The following ZFAT variants were observed in gnomAD, a reference collection of about 807,000 sequenced individuals.
ZFAT encodes zinc finger protein ZFAT.
ZFAT carries 64 observed loss-of-function variants against 117.7 expected under a neutral mutation model. That is an observed-to-expected ratio of 0.54 (90% CI 0.44 to 0.67). The LOEUF (loss-of-function observed/expected upper bound fraction) is 0.67. Ranked by LOEUF, ZFAT falls within the 30% of genes least tolerant of loss-of-function variation. ZFAT has a pLI of 0.00. For missense variants in ZFAT, 1,433 were observed against 1,584.5 expected, an observed-to-expected ratio of 0.90 and a Z score of 1.62; for synonymous variants, 679 against 615.0, an observed-to-expected ratio of 1.10 and a Z score of -1.54.
At chr8:134,777,360 A>T in the ZFAT span, among the ~76,000 whole-genome samples, 1 of 152,178 alleles carries the variant, frequency 6.6e-6, no homozygotes, top group Admixed American at 6.5e-5. Flanking sequence ...TTCCTGTAAC[A>T]TACTTGACTC....
At chr8:134,542,925 G>C (rs1822382443) in intron 11 of ZFAT, among the ~76,000 whole-genome samples, 3 of 152,076 alleles carry the variant, frequency 2.0e-5, no homozygotes, top group Non-Finnish European at 4.4e-5. Flanking sequence ...GTGATAGTCA[G>C]CCAGGCACAT....
At chr8:134,749,250 G>C in the ZFAT span, among the ~76,000 whole-genome samples, 1 of 152,108 alleles carries the variant, frequency 6.6e-6, no homozygotes, top group Non-Finnish European at 1.5e-5. Flanking sequence ...ACCTTCAAAA[G>C]CTTAGTATTT....
At chr8:134,785,388 T>C in the ZFAT span, 1 of 152,174 alleles carries the variant, frequency 6.6e-6, no homozygotes, top group Admixed American at 6.6e-5. Context: ...GATGTGTGAC[T>C]CTTTTTCTTC....
At chr8:134,635,559 C>T (rs1176046841) in intron 3 of ZFAT, among the ~76,000 whole-genome samples, 1 of 152,034 alleles carries the variant, frequency 6.6e-6, no homozygotes, top group African/African-American at 2.4e-5. Flanking sequence ...AACGTCGTTA[C>T]CTAGCTGTGC....
chr8:134,489,864 C>A (rs1360360413), intron 15 of ZFAT, among the ~76,000 whole-genome samples: 1 of 152,104 alleles, frequency 6.6e-6, no homozygotes, highest in Non-Finnish European at 1.5e-5. Context: ...ACTTCCTGCC[C>A]ACCCAACCTG....
chr8:134,532,663 G>A (rs1046544837), intron 12 of ZFAT, among the ~76,000 whole-genome samples, 171 bp downstream of exon 12: 4 of 152,242 alleles, frequency 2.6e-5, no homozygotes, highest in African/African-American at 9.6e-5. Context: ...AAGTAATGCT[G>A]ACAAACAATG....
the ZFAT span, among the ~76,000 whole-genome samples, chr8:134,740,209 C>T: frequency 6.6e-6 from 1 of 152,224 alleles, no homozygotes; most frequent in Non-Finnish European, 1.5e-5. Context: ...GCACCCATTC[C>T]CTTCTAGGAA....
chr8:134,533,783 G>C (rs1821609230), intron 11 of ZFAT, among the ~76,000 whole-genome samples: 1 of 152,180 alleles, frequency 6.6e-6, no homozygotes, highest in African/African-American at 2.4e-5. Flanking sequence ...ATAAATAGTG[G>C]GGCTGGGGAA....
chr8:134,783,283 C>A, the ZFAT span, among the ~76,000 whole-genome samples: 1 of 152,114 alleles, frequency 6.6e-6, no homozygotes, highest in Non-Finnish European at 1.5e-5. Context: ...TCGGTCCATG[C>A]CCGTTAGGAA....
chr8:134,781,648 T>C, the ZFAT span, among the ~76,000 whole-genome samples: 1 of 152,144 alleles, frequency 6.6e-6, no homozygotes, highest in Non-Finnish European at 1.5e-5. Context: ...TACTTATATG[T>C]GGATTTTGGA....
At chr8:134,623,939 C>G (rs1194444721) in intron 3 of ZFAT, among the ~76,000 whole-genome samples, 2 of 152,124 alleles carry the variant, frequency 1.3e-5, no homozygotes, top group East Asian at 3.9e-4. Flanking sequence ...GTGGAGCACC[C>G]ACCAGCTGTT....
upstream of ZFAT, among the ~76,000 whole-genome samples, chr8:134,713,323 C>T (rs1327725581): frequency 6.6e-6 from 1 of 152,264 alleles, no homozygotes; most frequent in African/African-American, 2.4e-5. Context: ...TGTGGGGCCG[C>T]CGAGCTGGGC....
At chr8:134,586,800 A>G (rs1826098749) in intron 9 of ZFAT, among the ~76,000 whole-genome samples, 1 of 152,238 alleles carries the variant, frequency 6.6e-6, no homozygotes, top group Non-Finnish European at 1.5e-5. Context: ...TTCAGAAGAG[A>G]AGAGCAAGGG....
At chr8:134,801,363 A>T in the ZFAT span, among the ~76,000 whole-genome samples, 1 of 152,208 alleles carries the variant, frequency 6.6e-6, no homozygotes, top group Non-Finnish European at 1.5e-5. Context: ...ACTAACTATT[A>T]TCAGTGGTCC....
chr8:134,486,602 G>C (rs1272375905), intron 15 of ZFAT, among the ~76,000 whole-genome samples: 8 of 152,154 alleles, frequency 5.3e-5, no homozygotes. Flanking sequence ...TCCTCTTGTT[G>C]GCACTCCTGT....
intron 2 of ZFAT, among the ~76,000 whole-genome samples, chr8:134,656,554 C>T (rs1268617596): frequency 6.6e-6 from 1 of 152,190 alleles, no homozygotes; most frequent in African/African-American, 2.4e-5. Flanking sequence ...CTCTGAGAAC[C>T]CTGGGAATGA....
the ZFAT span, among the ~76,000 whole-genome samples, chr8:134,752,894 A>G: frequency 6.6e-6 from 1 of 152,118 alleles, no homozygotes; most frequent in African/African-American, 2.4e-5. Context: ...TCCAAATACC[A>G]TCACACAGGA....
chr8:134,790,930 A>T, the ZFAT span, among the ~76,000 whole-genome samples: 1 of 152,152 alleles, frequency 6.6e-6, no homozygotes, highest in Non-Finnish European at 1.5e-5. Context: ...TGGGAGGATC[A>T]CTTGAGCCCA....
the ZFAT span, among the ~76,000 whole-genome samples, chr8:134,733,073 A>G: frequency 6.6e-6 from 1 of 152,184 alleles, no homozygotes; most frequent in East Asian, 1.9e-4. Flanking sequence ...GAGGGCATAC[A>G]TGGAAATTCT....
Sources: gnomAD v4.1 joint callset for allele counts (sites outside exome capture counted in the v4.1 genomes callset) on GRCh38, gnomAD v4.1.1 for gene constraint, MANE v1.5 for transcripts, NCBI Gene and HGNC (gene_info 2026-07-23, HGNC 2026-07-21) for gene names.